ZNF846: variants seen among roughly 807,000 people sequenced by gnomAD.
ZNF846 encodes zinc finger protein 846.
In ZNF846, 15 loss-of-function variants were observed where a neutral mutation model predicts 16.0. The ratio of observed to expected loss-of-function variants is 0.94; its 90% CI spans 0.63 to 1.45. The LOEUF (loss-of-function observed/expected upper bound fraction) is 1.45, where lower values mean the gene tolerates loss of function less well. Ranked by LOEUF, ZNF846 falls within the 40% of genes most tolerant of loss-of-function variation. The pLI is 0.00. For synonymous variants in ZNF846, 229 were observed against 212.0 expected, an observed-to-expected ratio of 1.08 and a Z score of -0.70; for missense variants, 714 against 622.3, an observed-to-expected ratio of 1.15 and a Z score of -1.57.
In ZNF846 at chr19:9,762,380, C is replaced by T. The variant is rs567568469; in HGVS notation, c.143-212G>A. The T allele has an allele frequency of 6.6e-4, 295 of 446,236 alleles. 4 individuals are homozygous for T. The highest frequency in any genetic ancestry group is 5.7e-3 in the South Asian group (243 of 42,744). 27.6% of individuals were successfully genotyped at this position (446,236 alleles called of 1,614,324 possible). The stretch of plus-strand genomic sequence containing the variant: ...TGCCCAGGTATAATGGCTCATGCCT[C>T]ATACCTCAGCACTTTGGGAAGCCAA... On this transcript the variant is annotated intron_variant, in intron 3 of 5. Coordinates refer to ENST00000397902, the Ensembl canonical transcript of ZNF846.
chr19:9,776,961 T>A lies in ZNF846; in HGVS notation c.-86+8977A>T, dbSNP rs956612020. On this transcript the variant is annotated intron_variant, in intron 1 of 4. Coordinates refer to the ZNF846 transcript ENST00000586814. ...TCTGAAGAGCAGCAAGGGATTGGGG[T>A]CCTTTTTATAGCTGGAGGGTTTATC... Among the ~76,000 whole-genome samples the A allele has an allele frequency of 8.6e-5, 13 of 150,968 alleles. 1 individual carries two copies. The highest frequency in any genetic ancestry group is 3.2e-4 in the African/African-American group (13 of 41,046).
intron 2 of ZNF846, 140 bp downstream of exon 2, chr19:9,764,796 C>T (rs2045288193): frequency 4.0e-6 from 4 of 1,008,922 alleles, no homozygotes; most frequent in Non-Finnish European, 6.2e-6. Context: ...GGCTTGGTTC[C>T]TAGAGAAATT....
downstream of ZNF846, among the ~76,000 whole-genome samples, chr19:9,750,569 T>G (rs2045075800): frequency 6.6e-6 from 1 of 152,218 alleles, no homozygotes; most frequent in Non-Finnish European, 1.5e-5. Context: ...GATGGGCACA[T>G]GTACTCTAGT....
downstream of ZNF846, among the ~76,000 whole-genome samples, chr19:9,754,947 C>T (rs989604261): frequency 6.6e-6 from 1 of 151,156 alleles, no homozygotes; most frequent in African/African-American, 2.5e-5. Context: ...GTCACTGCAA[C>T]CTCCACCTCC....
chr19:9,756,491 T>A (rs2045138621), downstream of ZNF846: 1 of 150,582 alleles, frequency 6.6e-6, no homozygotes, highest in South Asian at 2.1e-4. Context: ...CTTACCTTCA[T>A]AGAGTTTCTC....
chr19:9,763,387 C>A, exon 3 of ZNF846: 1 of 1,610,342 alleles, frequency 6.2e-7, no homozygotes, highest in South Asian at 1.1e-5. Flanking sequence ...TCCACAGCCA[C>A]ATCCTCAAAG....
chr19:9,762,235 A>G, intron 3 of ZNF846, 67 bp from the exon 4 acceptor site: 1 of 1,253,572 alleles, frequency 8.0e-7, no homozygotes, highest in South Asian at 1.2e-5. Context: ...TCAATGGGGA[A>G]CCAATACTTT....
chr19:9,775,193 A>ATGTGTGTGTG lies in ZNF846; in HGVS notation c.-85-10168_-85-10159dup, dbSNP rs113690294. ...TATATACATATATATGTGTATATAT[A>ATGTGTGTGTG]TGTGTGTGTGTGTGTGTGTGTATAT... On this transcript the variant is annotated intron_variant, in intron 1 of 4. Coordinates refer to the ZNF846 transcript ENST00000586814. Among the ~76,000 whole-genome samples, 1,173 of 149,500 alleles carry ATGTGTGTGTG rather than the reference A, an allele frequency of 7.8e-3. 17 individuals carry two copies. The highest frequency in any genetic ancestry group is 0.027 in the African/African-American group (1,104 of 40,406).
chr19:9,768,304 T>C (rs1241582181), exon 1 of ZNF846: 2 of 151,774 alleles, frequency 1.3e-5, no homozygotes, highest in Non-Finnish European at 3.0e-5. Context: ...CGCACTGCAA[T>C]CGCCCTGTCG....
intron 4 of ZNF846, 117 bp downstream of exon 4, chr19:9,761,965 C>T (rs2045238204): frequency 1.3e-6 from 1 of 748,170 alleles, no homozygotes; most frequent in East Asian, 2.6e-5. Flanking sequence ...ATGGCCTCAG[C>T]CTTCTCAGGA....
At chr19:9,781,909 C>G (rs1599404576) in intron 1 of ZNF846, among the ~76,000 whole-genome samples, 1 of 151,788 alleles carries the variant, frequency 6.6e-6, no homozygotes, top group East Asian at 1.9e-4. Context: ...TCCCAAGTAG[C>G]TGGGATTACA....
At chr19:9,762,105 G>A (rs570770166) in exon 4 of ZNF846, 1 of 1,613,944 alleles carries the variant, frequency 6.2e-7, no homozygotes, top group Non-Finnish European at 8.5e-7. Context: ...TGTCACTCCT[G>A]TCCTCAGCTC....
At chr19:9,752,956 G>A (rs1009826255), downstream of ZNF846, among the ~76,000 whole-genome samples, 19 of 148,190 alleles carry the variant, frequency 1.3e-4, no homozygotes, top group African/African-American at 3.7e-4. Flanking sequence ...TTATTTCTCC[G>A]AGTTCTGGAG....
downstream of ZNF846, among the ~76,000 whole-genome samples, chr19:9,749,346 C>A (rs1218131351): frequency 6.6e-6 from 1 of 152,086 alleles, no homozygotes; most frequent in Non-Finnish European, 1.5e-5. Flanking sequence ...TAGTCATACA[C>A]CTATTCATCA....
intron 1 of ZNF846, among the ~76,000 whole-genome samples, chr19:9,782,370 T>C (rs1031644354): frequency 6.6e-6 from 1 of 152,074 alleles, no homozygotes; most frequent in Non-Finnish European, 1.5e-5. Context: ...GCTCAAGCAA[T>C]CCTCCAGCCT....
At chr19:9,771,559 C>A (rs931414347), upstream of ZNF846, among the ~76,000 whole-genome samples, 13 of 152,178 alleles carry the variant, frequency 8.5e-5, no homozygotes, top group African/African-American at 3.1e-4. Flanking sequence ...ATATGGTTTT[C>A]CATTCCTGAG....
chr19:9,765,367 T>C (rs1196245539), intron 1 of ZNF846, among the ~76,000 whole-genome samples: 6 of 149,804 alleles, frequency 4.0e-5, no homozygotes, highest in Non-Finnish European at 8.9e-5. Context: ...AGAGTGCGAC[T>C]CCATCTTAAA....
intron 1 of ZNF846, among the ~76,000 whole-genome samples, chr19:9,777,128 C>G (rs899440866): frequency 4.0e-5 from 6 of 148,724 alleles, no homozygotes. Flanking sequence ...AGAAGAAGAA[C>G]GAAAGAAAAC....
intron 1 of ZNF846, among the ~76,000 whole-genome samples, chr19:9,778,841 G>A (rs1044900726): frequency 4.8e-5 from 7 of 144,426 alleles, no homozygotes; most frequent in East Asian, 2.1e-4. Context: ...GCAAGGTCTC[G>A]CTATGTTGCC....
Sources: allele counts gnomAD v4.1 joint callset (sites outside exome capture counted in the v4.1 genomes callset), GRCh38; gene constraint gnomAD v4.1.1; transcripts MANE v1.5; gene names NCBI Gene and HGNC (gene_info 2026-07-23, HGNC 2026-07-21).